The following RIMKLA variants were observed in gnomAD, a reference collection of about 807,000 sequenced individuals.
RIMKLA encodes the protein ribosomal modification protein rimK like family member A, also known as N-acetylaspartylglutamate synthase A.
Under a neutral mutation model 32.7 loss-of-function variants are expected in RIMKLA, and 14 were observed. That is an observed-to-expected ratio of 0.43 (90% CI 0.28 to 0.67). The LOEUF (loss-of-function observed/expected upper bound fraction) is 0.67. Among genes scored for constraint, RIMKLA ranks in the 30% least tolerant of loss-of-function variants. The probability of loss-of-function intolerance (pLI) is 0.18; values close to 1 mark genes in which losing one functional copy is unlikely to be tolerated. For synonymous variants in RIMKLA, 176 were observed against 204.1 expected (o/e 0.86, Z 1.18); for missense variants, 410 against 519.0 (o/e 0.79, Z 2.04).
chr1:42,381,298 G>A (rs1239734466), intron 1 of RIMKLA, among the ~76,000 whole-genome samples: 1 of 152,240 alleles, frequency 6.6e-6, no homozygotes, highest in African/African-American at 2.4e-5. Context: ...CCTGCCCCGA[G>A]GCCAAGATTC....
intron 4 of RIMKLA, among the ~76,000 whole-genome samples, chr1:42,411,870 C>T (rs1458248898): frequency 2.0e-5 from 3 of 152,030 alleles, no homozygotes; most frequent in African/African-American, 7.2e-5. Context: ...CAGGGTTTCA[C>T]CGTGTTAGCC....
chr1:42,400,226 T>TG (rs35210648), intron 2 of RIMKLA, among the ~76,000 whole-genome samples: 27,441 of 151,998 alleles, frequency 0.18, 2,571 homozygotes, highest in East Asian at 0.22. Context: ...GAGATATAGC[T>TG]AAATATAAGG....
At chr1:42,387,214 C>T (rs892645759) in intron 1 of RIMKLA, among the ~76,000 whole-genome samples, 1 of 151,958 alleles carries the variant, frequency 6.6e-6, no homozygotes, top group Non-Finnish European at 1.5e-5. Flanking sequence ...GCCCTCCAGC[C>T]TGGGTGATAC....
At chr1:42,409,741 C>G (rs141606690) in intron 3 of RIMKLA, among the ~76,000 whole-genome samples, 1,569 of 152,178 alleles carry the variant, frequency 0.01, 10 homozygotes, top group Non-Finnish European at 0.016. Flanking sequence ...CTGGAATAAT[C>G]ATTAAGTCAT....
intron 1 of RIMKLA, among the ~76,000 whole-genome samples, chr1:42,382,866 G>GT (rs1553175177): frequency 3.1e-4 from 47 of 150,946 alleles, no homozygotes; most frequent in South Asian, 1.0e-3. Context: ...TCTTTTTTTT[G>GT]TTTTTTTTGA....
chr1:42,387,384 G>C (rs866591637), intron 1 of RIMKLA, among the ~76,000 whole-genome samples: 1 of 141,864 alleles, frequency 7.0e-6, no homozygotes, highest in Non-Finnish European at 1.6e-5. Context: ...GCAATAGAGC[G>C]AGACCCTGTT....
chr1:42,416,098 G>GGGGGGC lies in RIMKLA; in HGVS notation c.*1124_*1125insGGGGGC. 7.7e-6 allele frequency: 1 copy of GGGGGGC among 129,286 alleles called. No homozygotes were observed. The highest frequency in any genetic ancestry group is 1.7e-5 in the Non-Finnish European group (1 of 57,980). 8.0% of individuals were successfully genotyped at this position (129,286 alleles called of 1,614,324 possible). ...CATTGCACATTTTGCGGGGGGGGGG[G>GGGGGGC]CTAATGTAGACATGACACCAAGTGC... On this transcript the variant is annotated 3_prime_UTR_variant, in exon 5 of 5. Transcript: ENST00000431473.
chr1:42,408,166 C>G (rs1485633981), intron 3 of RIMKLA, among the ~76,000 whole-genome samples: 3 of 152,212 alleles, frequency 2.0e-5, no homozygotes, highest in African/African-American at 7.2e-5. Context: ...ATCGTCCACA[C>G]TTGCTGGGGC....
intron 1 of RIMKLA, among the ~76,000 whole-genome samples, chr1:42,391,828 G>A (rs983375429): frequency 1.3e-5 from 2 of 152,172 alleles, no homozygotes; most frequent in African/African-American, 4.8e-5. Context: ...GGAGATGAGG[G>A]AGGAAGGTTT....
intron 1 of RIMKLA, among the ~76,000 whole-genome samples, chr1:42,388,969 ATTG>A (rs1480689173): frequency 6.6e-6 from 1 of 152,104 alleles, no homozygotes; most frequent in Non-Finnish European, 1.5e-5. Flanking sequence ...GTGAGACGAG[ATTG>A]TTGGGCTAGA....
At chr1:42,399,352 G>A (rs184160690) in intron 1 of RIMKLA, 52 bp from the exon 2 acceptor site, 30 of 1,310,928 alleles carry the variant, frequency 2.3e-5, no homozygotes, top group Non-Finnish European at 3.2e-5. Flanking sequence ...CATTTCTTCT[G>A]GTGGACTAAA....
At chr1:42,399,351 TG>T in intron 1 of RIMKLA, 52 bp from the exon 2 acceptor site, 1 of 1,308,636 alleles carries the variant, frequency 7.6e-7, no homozygotes, top group Non-Finnish European at 1.1e-6. Context: ...CCATTTCTTC[TG>T]GTGGACTAAA....
At chr1:42,386,464 G>T (rs935229371) in intron 1 of RIMKLA, among the ~76,000 whole-genome samples, 1 of 151,812 alleles carries the variant, frequency 6.6e-6, no homozygotes, top group African/African-American at 2.4e-5. Context: ...CCATTGTCCC[G>T]AGAAACAATT....
In RIMKLA at chr1:42,418,351, T is replaced by C. The variant is rs930484751; in HGVS notation, c.*3377T>C. On this transcript the variant is annotated 3_prime_UTR_variant, in exon 5 of 5. Coordinates refer to ENST00000431473, the MANE Select transcript of RIMKLA (RefSeq NM_173642.4). ...GAATGAGGATTTGGGGCTTTAGGTC[T>C]TTCGGATCTCAGAAACAATATAAGT... The C allele has an allele frequency of 6.6e-6, 1 of 152,228 alleles. No homozygotes were observed. The highest frequency in any genetic ancestry group is 1.5e-5 in the Non-Finnish European group (1 of 68,052). The allele number at this position is 152,228 out of a possible 1,614,324, so 9.4% of individuals were successfully genotyped here.
At chr1:42,384,503 G>GTATATATGTATATATACA (rs1642917448) in intron 1 of RIMKLA, among the ~76,000 whole-genome samples, 1 of 145,094 alleles carries the variant, frequency 6.9e-6, no homozygotes, top group African/African-American at 2.6e-5. Context: ...ATATATACAT[G>GTATATATGTATATATACA]TATATATGTA....
chr1:42,419,535 T>C lies in RIMKLA; in HGVS notation c.*4561T>C, dbSNP rs1312650868. ...TGGACTCAGGCAGTCTGATTCCTCA[T>C]CCACTTTGGCATACTGCCAGAGGTA... On this transcript the variant is annotated 3_prime_UTR_variant, in exon 5 of 5. Transcript: ENST00000431473. The C allele has an allele frequency of 2.0e-5, 3 of 152,294 alleles. No homozygotes were observed. The highest frequency in any genetic ancestry group is 4.4e-5 in the Non-Finnish European group (3 of 68,076). 9.4% of individuals were successfully genotyped at this position (152,294 alleles called of 1,614,324 possible). A position where few individuals can be genotyped will look rare whatever the true frequency, so the allele number is the denominator to read the frequency against.
At chr1:42,404,714 T>C in intron 3 of RIMKLA, 117 bp downstream of exon 3, 1 of 652,892 alleles carries the variant, frequency 1.5e-6, no homozygotes, top group Non-Finnish European at 2.7e-6. Context: ...TTTGAGGAGC[T>C]TGCAGTGTTT....
chr1:42,415,115 G>A lies in RIMKLA; in HGVS notation c.*141G>A, dbSNP rs2148397217. 1.1e-6 allele frequency: 1 copy of A among 920,308 alleles called. No individual in the cohort carries two copies. The highest frequency in any genetic ancestry group is 1.7e-5 in the South Asian group (1 of 57,910). The allele number at this position is 920,308 out of a possible 1,614,324, so 57.0% of individuals were successfully genotyped here. A position where few individuals can be genotyped will look rare whatever the true frequency, so the allele number is the denominator to read the frequency against. On this transcript the variant is annotated 3_prime_UTR_variant, in exon 5 of 5. Coordinates refer to ENST00000431473, the MANE Select transcript of RIMKLA (RefSeq NM_173642.4). The stretch of plus-strand genomic sequence containing the variant: ...GGCACTCAGCATTTTTTCTAACGAT[G>A]ATTTAAGCAAATGGCCTAGCTTTGT...
At chr1:42,391,321 C>T (rs1218959967) in intron 1 of RIMKLA, among the ~76,000 whole-genome samples, 1 of 152,106 alleles carries the variant, frequency 6.6e-6, no homozygotes, top group Non-Finnish European at 1.5e-5. Flanking sequence ...GACCTGGGCT[C>T]TGTAGACGAC....
Sources: gnomAD v4.1 joint callset for allele counts (sites outside exome capture counted in the v4.1 genomes callset) on GRCh38, gnomAD v4.1.1 for gene constraint, MANE v1.5 for transcripts, NCBI Gene and HGNC (gene_info 2026-07-23, HGNC 2026-07-21) for gene names.